PRRX2: variants seen among roughly 807,000 people sequenced by gnomAD.
The protein encoded by PRRX2 is paired related homeobox 2.
A neutral mutation model predicts 18.0 loss-of-function variants in PRRX2; 11 were observed. The ratio of observed to expected loss-of-function variants is 0.61; its 90% confidence interval spans 0.39 to 1.01. PRRX2 has a LOEUF of 1.01. Among genes scored for constraint, PRRX2 ranks in the 50% least tolerant of loss-of-function variants. The pLI, the probability that PRRX2 is intolerant of heterozygous loss-of-function variation, is 0.01. For synonymous variants in PRRX2, 177 were observed against 154.8 expected (o/e 1.14, Z -1.06); for missense variants, 387 against 351.0 (o/e 1.10, Z -0.82).
chr9:129,675,422 G>T lies in PRRX2; in HGVS notation c.259+9296G>T, dbSNP rs1041245571. On this transcript the variant is annotated intron_variant, in intron 1 of 3. Transcript: ENST00000372469. This position sits in a 1 kb window ranked among gnomAD's most constrained non-coding sequence, Gnocchi z 4.4. ...TTTGGTGGCCAGGGTTGGGGTGTAG[G>T]AGGCAGTCAAAAGCACCCCTGCTGA... 2.0e-5 allele frequency among the ~76,000 whole-genome samples: 3 copies of T among 152,100 alleles called. No individual in the cohort carries two copies. The highest frequency in any genetic ancestry group is 4.4e-5 in the Non-Finnish European group (3 of 67,978).
intron 1 of PRRX2, among the ~76,000 whole-genome samples, chr9:129,668,820 A>G (rs974152845): frequency 1.3e-4 from 20 of 151,444 alleles, no homozygotes; most frequent in Non-Finnish European, 2.4e-4. Flanking sequence ...AAGAAAAGAA[A>G]GAGATGGCAC....
rs555375161 is a variant in PRRX2 at position 129,703,516 on chromosome 9, C to A, written c.260-15715C>A. 7.9e-5 allele frequency among the ~76,000 whole-genome samples: 12 copies of A among 152,308 alleles called. No individual in the cohort carries two copies. The East Asian group carries it at 2.3e-3, about 29-fold the overall frequency. The stretch of plus-strand genomic sequence containing the variant: ...AGTCTGGACATAAATCACCCCTGAT[C>A]ACTGGCAGTGGTACCTGGGTTTGGT... On this transcript the variant is annotated intron_variant, in intron 1 of 3. Transcript: ENST00000372469.
chr9:129,714,591 G>A (rs1194122662), intron 1 of PRRX2, among the ~76,000 whole-genome samples: 2 of 152,106 alleles, frequency 1.3e-5, no homozygotes, highest in South Asian at 2.1e-4. Context: ...GGGAAGCAGT[G>A]AGGACGCCAG....
At chr9:129,687,533 G>A (rs935969879) in intron 1 of PRRX2, among the ~76,000 whole-genome samples, 8 of 152,248 alleles carry the variant, frequency 5.3e-5, no homozygotes, top group Admixed American at 3.3e-4. Flanking sequence ...ACTTGCTTGC[G>A]CTGTACCAGC....
Position 129,700,816 on chromosome 9 carries a change from G to C in PRRX2, c.260-18415G>C, listed in dbSNP as rs569752429. On this transcript the variant is annotated intron_variant, in intron 1 of 3. Transcript: ENST00000372469. ...AATTTTTTGTAAAGGTGGGGGTTTT[G>C]CCATGTTGTCCAGGCTGGTCCCAAA... Among the ~76,000 whole-genome samples, 4 of 151,730 alleles carry C rather than the reference G, an allele frequency of 2.6e-5. No homozygotes were observed. The South Asian group carries it at 8.3e-4, about 32-fold the overall frequency.
intron 1 of PRRX2, among the ~76,000 whole-genome samples, chr9:129,705,388 G>A (rs1380994931): frequency 2.0e-5 from 3 of 152,204 alleles, no homozygotes; most frequent in Non-Finnish European, 2.9e-5. Context: ...GATTGCCTGT[G>A]AACAGGAGGC....
chr9:129,709,519 G>T lies in PRRX2; in HGVS notation c.260-9712G>T, dbSNP rs1468501444. On this transcript the variant is annotated intron_variant, in intron 1 of 3. Transcript: ENST00000372469. This position sits in a 1 kb window ranked among gnomAD's most constrained non-coding sequence, Gnocchi z 4.2. The stretch of plus-strand genomic sequence containing the variant: ...TCAGAGCACGGCAGTCCCAGGTTGG[G>T]TGGCCCATGCCTCTCGCTCTTGTGT... 2.0e-5 allele frequency among the ~76,000 whole-genome samples: 3 copies of T among 152,190 alleles called. No homozygotes were observed. The highest frequency in any genetic ancestry group is 7.2e-5 in the African/African-American group (3 of 41,452).
intron 1 of PRRX2, among the ~76,000 whole-genome samples, chr9:129,702,663 T>C (rs1268738382): frequency 6.6e-6 from 1 of 152,214 alleles, no homozygotes; most frequent in Non-Finnish European, 1.5e-5. Flanking sequence ...GCCATGTCAT[T>C]CCCAGATGTC....
In PRRX2 at chr9:129,709,567, C is replaced by T. The variant is rs1267113831; in HGVS notation, c.260-9664C>T. ...TGTGCTGTGCCGAGGCCGGGGAAGC[C>T]ATGGGATGGGGCCCCCTGGGGACCT... On this transcript the variant is annotated intron_variant, in intron 1 of 3. Coordinates refer to ENST00000372469, the MANE Select transcript of PRRX2 (RefSeq NM_016307.4). The surrounding 1 kb of genome is among the most constrained non-coding windows in gnomAD (Gnocchi z 4.2). Among the ~76,000 whole-genome samples the T allele has an allele frequency of 6.6e-6, 1 of 152,198 alleles. No individual in the cohort carries two copies. The highest frequency in any genetic ancestry group is 2.4e-5 in the African/African-American group (1 of 41,454).
chr9:129,704,956 G>T (rs750077497), intron 1 of PRRX2, among the ~76,000 whole-genome samples: 1 of 152,192 alleles, frequency 6.6e-6, no homozygotes, highest in Admixed American at 6.5e-5. Context: ...TCTGGAAACA[G>T]TTAACGAGGG....
intron 1 of PRRX2, among the ~76,000 whole-genome samples, chr9:129,687,523 A>C (rs758459159): frequency 6.6e-6 from 1 of 152,168 alleles, no homozygotes; most frequent in African/African-American, 2.4e-5. Context: ...CACTAACTCA[A>C]CTTGCTTGCG....
intron 1 of PRRX2, among the ~76,000 whole-genome samples, chr9:129,686,965 A>G (rs1420071959): frequency 6.6e-6 from 1 of 152,148 alleles, no homozygotes; most frequent in Non-Finnish European, 1.5e-5. Context: ...GAATTAAGCA[A>G]TTGCAGGCAG....
intron 1 of PRRX2, among the ~76,000 whole-genome samples, chr9:129,711,050 A>G (rs1832611663): frequency 6.6e-6 from 1 of 152,058 alleles, no homozygotes; most frequent in Admixed American, 6.6e-5. Flanking sequence ...AGCCCCAAGA[A>G]TGTTTCTGTT....
At chr9:129,684,659 G>T (rs73670172) in intron 1 of PRRX2, among the ~76,000 whole-genome samples, 3 of 152,090 alleles carry the variant, frequency 2.0e-5, no homozygotes, top group African/African-American at 7.2e-5. Flanking sequence ...GGCCTGGGCT[G>T]TGTGGGGTGG....
intron 1 of PRRX2, among the ~76,000 whole-genome samples, chr9:129,699,025 G>A (rs1424660985): frequency 6.6e-6 from 1 of 152,234 alleles, no homozygotes; most frequent in Non-Finnish European, 1.5e-5. Context: ...CAGGAAGGCC[G>A]CTGTGCCTGT....
chr9:129,722,168 C>T, intron 3 of PRRX2, 49 bp from the exon 4 acceptor site: 1 of 1,590,932 alleles, frequency 6.3e-7, no homozygotes, highest in Non-Finnish European at 8.6e-7. Context: ...AGCACTGATA[C>T]CCAGAAGCCA....
rs1466965494 is a variant in PRRX2 at position 129,665,858 on chromosome 9, G to A, written c.-10G>A. ...GACCCCCGCCGGCCCCCCCGGGGCC[G>A]CTCGCGGGCATGGACAGCGCGGCCG... On this transcript the variant is annotated 5_prime_UTR_variant, in exon 1 of 4. Transcript: ENST00000372469. The surrounding 1 kb of genome is among the most constrained non-coding windows in gnomAD (Gnocchi z 5.3). 5.8e-6 allele frequency: 6 copies of A among 1,039,888 alleles called. No individual in the cohort carries two copies. Among genetic ancestry groups the A allele is most frequent in the East Asian group, 8.7e-5 (1 of 11,530 alleles). 64.4% of individuals were successfully genotyped at this position (1,039,888 alleles called of 1,614,324 possible).
At chr9:129,696,512 C>T (rs550333198) in intron 1 of PRRX2, among the ~76,000 whole-genome samples, 15 of 152,256 alleles carry the variant, frequency 9.9e-5, no homozygotes, top group African/African-American at 3.6e-4. Flanking sequence ...GAGTTCAAGG[C>T]TGCAGCGGAG....
chr9:129,705,515 C>T (rs538512982), intron 1 of PRRX2, among the ~76,000 whole-genome samples: 3 of 152,132 alleles, frequency 2.0e-5, no homozygotes, highest in Non-Finnish European at 2.9e-5. Flanking sequence ...CCACCATGCC[C>T]GGCTAATTTT....
Sources: gnomAD v4.1 joint callset for allele counts (sites outside exome capture counted in the v4.1 genomes callset) on GRCh38, gnomAD v4.1.1 for gene constraint, Gnocchi (gnomAD v3.1) non-coding constraint, MANE v1.5 for transcripts, NCBI Gene and HGNC (gene_info 2026-07-23, HGNC 2026-07-21) for gene names.